The following PCOLCE2 variants were observed in gnomAD, a reference collection of about 807,000 sequenced individuals.
PCOLCE2 encodes the protein procollagen C-endopeptidase enhancer 2.
Under a neutral mutation model 47.0 loss-of-function variants are expected in PCOLCE2, and 42 were observed. That is an observed-to-expected ratio of 0.89 (90% CI 0.70 to 1.16). The LOEUF is 1.16. Among genes scored for constraint, PCOLCE2 ranks in the 50% most tolerant of loss-of-function variants. PCOLCE2 has a pLI of 0.00. For missense variants in PCOLCE2, 500 were observed against 526.1 expected (o/e 0.95, Z 0.49); for synonymous variants, 169 against 191.7 (o/e 0.88, Z 0.98).
intron 2 of PCOLCE2, among the ~76,000 whole-genome samples, chr3:142,880,050 C>G (rs141831746): frequency 0.012 from 1,872 of 150,762 alleles, 34 homozygotes; most frequent in African/African-American, 0.041. Context: ...ACCCCACCCC[C>G]CCAAAAAAAA....
chr3:142,823,815 A>G (rs1188472022), intron 6 of PCOLCE2, among the ~76,000 whole-genome samples, 200 bp from the exon 7 acceptor site: 1 of 152,180 alleles, frequency 6.6e-6, no homozygotes, highest in Non-Finnish European at 1.5e-5. Flanking sequence ...ACAACTCAAT[A>G]CCCTCTATTG....
intron 2 of PCOLCE2, among the ~76,000 whole-genome samples, chr3:142,850,241 T>C (rs1025276407): frequency 1.3e-5 from 2 of 152,246 alleles, no homozygotes; most frequent in South Asian, 2.1e-4. Flanking sequence ...ATGCCACATC[T>C]GTAATCTTAA....
chr3:142,886,412 A>G (rs755567350), intron 2 of PCOLCE2, among the ~76,000 whole-genome samples: 3 of 150,534 alleles, frequency 2.0e-5, no homozygotes, highest in African/African-American at 5.0e-5. Context: ...AGCTGCTTTT[A>G]TTTTTGTTTC....
intron 2 of PCOLCE2, among the ~76,000 whole-genome samples, chr3:142,867,136 C>A (rs571103779): frequency 6.6e-6 from 1 of 152,176 alleles, no homozygotes; most frequent in African/African-American, 2.4e-5. Context: ...ACCGCCTCCT[C>A]GAGCCTCCCA....
intron 2 of PCOLCE2, among the ~76,000 whole-genome samples, chr3:142,855,351 T>C (rs1933039907): frequency 7.3e-6 from 1 of 136,640 alleles, no homozygotes; most frequent in Admixed American, 7.4e-5. Flanking sequence ...AAAATAATAG[T>C]GCAGGCCATG....
chr3:142,820,120 T>TG (rs1491319579), intron 8 of PCOLCE2, among the ~76,000 whole-genome samples: 2 of 151,848 alleles, frequency 1.3e-5, no homozygotes, highest in African/African-American at 4.8e-5. Flanking sequence ...TTTTTTTTTT[T>TG]TATAGAAATA....
At chr3:142,853,942 A>C (rs1201562546) in intron 2 of PCOLCE2, among the ~76,000 whole-genome samples, 1 of 152,162 alleles carries the variant, frequency 6.6e-6, no homozygotes, top group Non-Finnish European at 1.5e-5. Flanking sequence ...AACTCACCCC[A>C]CAGCTCCTGG....
At chr3:142,824,067 A>G (rs186575215) in intron 6 of PCOLCE2, among the ~76,000 whole-genome samples, 1 of 152,348 alleles carries the variant, frequency 6.6e-6, no homozygotes, top group Admixed American at 6.5e-5. Context: ...TGAGTAGCAT[A>G]GGTTTTTAGA....
chr3:142,820,420 G>A (rs550898646), intron 8 of PCOLCE2, among the ~76,000 whole-genome samples: 22 of 152,060 alleles, frequency 1.4e-4, no homozygotes, highest in South Asian at 2.1e-4. Context: ...TCCGTTTTTC[G>A]TAATTTCTTT....
At chr3:142,854,608 G>T (rs1315961340) in intron 2 of PCOLCE2, among the ~76,000 whole-genome samples, 2 of 151,984 alleles carry the variant, frequency 1.3e-5, no homozygotes, top group Non-Finnish European at 2.9e-5. Flanking sequence ...TGTTTTTGGG[G>T]ATTTCACTAA....
intron 5 of PCOLCE2, 132 bp from the exon 6 acceptor site, chr3:142,829,978 T>A: frequency 1.9e-6 from 1 of 534,306 alleles, no homozygotes; most frequent in East Asian, 2.9e-5. Context: ...GTTAAAACGT[T>A]TAAAAATACC....
chr3:142,836,200 G>A (rs1035940385), intron 5 of PCOLCE2, among the ~76,000 whole-genome samples: 13 of 152,148 alleles, frequency 8.5e-5, no homozygotes, highest in South Asian at 2.1e-4. Context: ...GAGACTATCC[G>A]TTCCTTCACC....
intron 1 of PCOLCE2, 38 bp downstream of exon 1, chr3:142,888,775 GA>G (rs1325123863): frequency 1.6e-6 from 2 of 1,260,424 alleles, no homozygotes; most frequent in South Asian, 1.6e-5. Context: ...TGGAGGAAGG[GA>G]AAGGAGAGAA....
intron 2 of PCOLCE2, among the ~76,000 whole-genome samples, chr3:142,881,565 ACCTAGGCTATATAGTATAGCCTATTGCT>A (rs1438814226): frequency 4.6e-5 from 7 of 152,284 alleles, no homozygotes; most frequent in Admixed American, 4.6e-4. Context: ...TCCACCACAC[ACCTAGGCTATATAGTATAGCCTATTGCT>A]CCTAGGCTAC....
chr3:142,859,388 A>AAT (rs1420157375), intron 2 of PCOLCE2, among the ~76,000 whole-genome samples: 61 of 151,418 alleles, frequency 4.0e-4, no homozygotes, highest in East Asian at 7.8e-4. Flanking sequence ...ATGACACATG[A>AAT]ATATATATAT....
In PCOLCE2 at chr3:142,887,662, T is replaced by C. The variant is rs1230991852; in HGVS notation, c.192+7A>G. 1 of 1,421,286 alleles carries C rather than the reference T, an allele frequency of 7.0e-7. No homozygotes were observed. The highest frequency in any genetic ancestry group is 1.0e-6 in the Non-Finnish European group (1 of 1,004,694). The allele number at this position is 1,421,286 out of a possible 1,614,324, so 88.0% of individuals were successfully genotyped here. ...TCCAGGAGAATACCTTTTTAAAAAA[T>C]GCTTACTGTGATTTTCCAAGTACAT... On this transcript the variant is annotated splice_region_variant and intron_variant, in intron 2 of 8. Coordinates refer to ENST00000295992, the MANE Select transcript of PCOLCE2 (RefSeq NM_013363.4).
In PCOLCE2 at chr3:142,845,899, T is replaced by C. The variant is rs534072114; in HGVS notation, c.448+2318A>G. ...TTGAGGCACAAAAATCGCTTGAACC[T>C]GGGAGGTGGAGGTTGCAGTGGGCCG... On this transcript the variant is annotated intron_variant, in intron 3 of 8. Coordinates refer to ENST00000295992, the MANE Select transcript of PCOLCE2 (RefSeq NM_013363.4). Among the ~76,000 whole-genome samples the C allele has an allele frequency of 3.3e-4, 50 of 152,202 alleles. 1 individual carries two copies. The highest frequency in any genetic ancestry group is 3.0e-3 in the Admixed American group (46 of 15,288).
intron 2 of PCOLCE2, among the ~76,000 whole-genome samples, chr3:142,856,000 T>C (rs1440308589): frequency 6.6e-6 from 1 of 152,210 alleles, no homozygotes; most frequent in Non-Finnish European, 1.5e-5. Flanking sequence ...CCAGGTGTCC[T>C]TACCCAGCAC....
At chr3:142,865,398 A>G (rs907311485) in intron 2 of PCOLCE2, among the ~76,000 whole-genome samples, 3 of 152,212 alleles carry the variant, frequency 2.0e-5, no homozygotes, top group Non-Finnish European at 4.4e-5. Flanking sequence ...TGTAATAAAG[A>G]TGAACATCTG....
Sources: gnomAD v4.1 joint callset for allele counts (sites outside exome capture counted in the v4.1 genomes callset) on GRCh38, gnomAD v4.1.1 for gene constraint, MANE v1.5 for transcripts, NCBI Gene and HGNC (gene_info 2026-07-23, HGNC 2026-07-21) for gene names.